COL11A1: variants seen among roughly 807,000 people sequenced by gnomAD.
COL11A1 encodes collagen type XI alpha 1 chain, also known as collagen alpha-1(XI) chain.
COL11A1 carries 74 observed loss-of-function variants against 265.2 expected under a neutral mutation model. The observed-to-expected ratio is 0.28, with a 90% CI of 0.23 to 0.34. The LOEUF (loss-of-function observed/expected upper bound fraction) is 0.34, where lower values mean the gene tolerates loss of function less well. COL11A1 is among the 10% of genes least tolerant of loss of function. The pLI, the probability that COL11A1 is intolerant of heterozygous loss-of-function variation, is 1.00. For missense variants in COL11A1, 2,165 were observed against 2,263.6 expected, an observed-to-expected ratio of 0.96 and a Z score of 0.88; for synonymous variants, 816 against 727.6, an observed-to-expected ratio of 1.12 and a Z score of -1.96.
chr1:103,022,710 A>T, intron 8 of COL11A1, 32 bp downstream of exon 8: 4 of 1,612,932 alleles, frequency 2.5e-6, no homozygotes, highest in Admixed American at 1.7e-5. Context: ...TAAATAAGAC[A>T]TACAATGACA....
At chr1:102,963,043 G>T (rs1661072595) in intron 38 of COL11A1, among the ~76,000 whole-genome samples, 1 of 152,150 alleles carries the variant, frequency 6.6e-6, no homozygotes, top group Non-Finnish European at 1.5e-5. Context: ...TCTGCAGAGT[G>T]TGGCCAGTCC....
At chr1:103,083,263 TGTGC>T (rs767493330) in intron 1 of COL11A1, among the ~76,000 whole-genome samples, 161 of 146,164 alleles carry the variant, frequency 1.1e-3, no homozygotes, top group African/African-American at 2.8e-3. Context: ...TGTGTGTGTG[TGTGC>T]GTGTGTGTGT....
At chr1:102,899,731 A>G (rs1652948162) in intron 54 of COL11A1, among the ~76,000 whole-genome samples, 1 of 152,050 alleles carries the variant, frequency 6.6e-6, no homozygotes, top group African/African-American at 2.4e-5. Flanking sequence ...CTTAATTTTC[A>G]TAATAAATTG....
At chr1:103,106,432 A>G (rs1674694497) in intron 1 of COL11A1, among the ~76,000 whole-genome samples, 2 of 152,182 alleles carry the variant, frequency 1.3e-5, no homozygotes. Context: ...TTCCAGTACC[A>G]CTGTAGTTAA....
intron 49 of COL11A1, among the ~76,000 whole-genome samples, chr1:102,916,240 T>C (rs1655326247): frequency 6.6e-6 from 1 of 152,180 alleles, no homozygotes; most frequent in Non-Finnish European, 1.5e-5. Context: ...CATTTGAGTA[T>C]ACACATAAAT....
chr1:102,995,105 T>G (rs1396869393), intron 28 of COL11A1, among the ~76,000 whole-genome samples: 1 of 152,118 alleles, frequency 6.6e-6, no homozygotes, highest in Non-Finnish European at 1.5e-5. Flanking sequence ...CAATTTGGAT[T>G]AGAATTCAAG....
chr1:102,897,254 C>T lies in COL11A1; in HGVS notation c.4302+871G>A, dbSNP rs190180339. Among the ~76,000 whole-genome samples the T allele has an allele frequency of 3.9e-5, 6 of 151,920 alleles. No individual in the cohort carries two copies. The East Asian group carries it at 7.7e-4, about 20-fold the overall frequency. On this transcript the variant is annotated intron_variant, in intron 57 of 66. Transcript: ENST00000370096. ...GATGGCTTTGTGCGTATGTTTCTAT[C>T]TCTGAGATAATTAATATATTTATGA...
intron 4 of COL11A1, among the ~76,000 whole-genome samples, chr1:103,045,550 T>G (rs928722356): frequency 8.5e-5 from 13 of 152,126 alleles, no homozygotes; most frequent in African/African-American, 3.1e-4. Context: ...GTTTATGCTT[T>G]AAAAACATCA....
chr1:102,879,971 C>A, intron 65 of COL11A1, 55 bp from the exon 66 acceptor site: 1 of 1,189,528 alleles, frequency 8.4e-7, no homozygotes, highest in Admixed American at 1.7e-5. Context: ...TTTTATGCTA[C>A]AAAGAATTAA....
intron 41 of COL11A1, among the ~76,000 whole-genome samples, chr1:102,948,016 ATTAT>A (rs1331199620): frequency 2.0e-5 from 3 of 151,982 alleles, no homozygotes; most frequent in East Asian, 3.9e-4. Flanking sequence ...CTCAGAGAAA[ATTAT>A]TTATAAAAGC....
chr1:102,955,192 A>T (rs1359544049), intron 41 of COL11A1, among the ~76,000 whole-genome samples: 2 of 152,140 alleles, frequency 1.3e-5, no homozygotes, highest in Non-Finnish European at 2.9e-5. Context: ...AACCTTGGTT[A>T]TTCCCTTGCT....
rs1189739348 is a variant in COL11A1, at chr1:102,987,735, T to C, written c.2400A>G (p.Glu800=). Reference sequence around the variant, plus strand: ...CCCCTCTTGGGCCAATTTGACCAACTTCTCCCTGAGGCACAGAATAACAAC... The same window carrying C: ...CCCCTCTTGGGCCAATTTGACCAACCTCTCCCTGAGGCACAGAATAACAAC... ...GDMGLKGDRG[E]VGQIGPRGED... Residue 800 remains glutamate (E), a synonymous_variant, in exon 30 of 67, where the codon GAA becomes GAG. Transcript: ENST00000370096. 6.2e-7 allele frequency: 1 copy of C among 1,612,366 alleles called. No homozygotes were observed. The highest frequency in any genetic ancestry group is 8.5e-7 in the Non-Finnish European group (1 of 1,178,742).
At chr1:103,033,621 C>A (rs1289877131) in intron 4 of COL11A1, among the ~76,000 whole-genome samples, 1 of 151,984 alleles carries the variant, frequency 6.6e-6, no homozygotes, top group Non-Finnish European at 1.5e-5. Context: ...TGTTTTTAAT[C>A]TAAAAAGAGA....
chr1:102,914,819 A>G lies in COL11A1; in HGVS notation c.3817-8T>C. 1 of 1,464,838 alleles carries G rather than the reference A, an allele frequency of 6.8e-7. No homozygotes were observed. Among genetic ancestry groups the G allele is most frequent in the Non-Finnish European group, 9.2e-7 (1 of 1,084,996 alleles). 90.7% of individuals were successfully genotyped at this position (1,464,838 alleles called of 1,614,324 possible). A position where few individuals can be genotyped will look rare whatever the true frequency, so the allele number is the denominator to read the frequency against. On this transcript the variant is annotated splice_polypyrimidine_tract_variant and splice_region_variant and intron_variant, in intron 50 of 66. Transcript: ENST00000370096. ...TCTTTCTCCTTTGGGACCCTAAACA[A>G]TGTTAAAAAAAAAAAAAGAAGAAGA... is the stretch of plus-strand genomic sequence containing the variant.
chr1:103,066,435 A>G (rs1030952830), intron 4 of COL11A1, among the ~76,000 whole-genome samples: 11 of 151,782 alleles, frequency 7.2e-5, no homozygotes, highest in African/African-American at 1.7e-4. Context: ...ATATATCATA[A>G]CATTTTGGTA....
At chr1:102,909,532 C>T (rs768137450) in intron 54 of COL11A1, among the ~76,000 whole-genome samples, 3 of 151,980 alleles carry the variant, frequency 2.0e-5, no homozygotes, top group Non-Finnish European at 4.4e-5. Context: ...TAATATACTA[C>T]TATATTTTAT....
chr1:102,907,685 C>A (rs1191602278), intron 54 of COL11A1, among the ~76,000 whole-genome samples: 1 of 151,910 alleles, frequency 6.6e-6, no homozygotes, highest in Admixed American at 6.6e-5. Context: ...ACACACAAGA[C>A]ATACATATAC....
In COL11A1 at chr1:102,916,400, T is replaced by C. The variant is rs1446625617; in HGVS notation, c.3763-716A>G. On this transcript the variant is annotated intron_variant, in intron 49 of 66. Coordinates refer to ENST00000370096, the MANE Select transcript of COL11A1 (RefSeq NM_001854.4). ...ATTCAAAATGCACAAAAATATAACA[T>C]CTTGTTCAAGTAATCATTTAAGTAA... is the stretch of plus-strand genomic sequence containing the variant. Among the ~76,000 whole-genome samples, 7 of 152,118 alleles carry C rather than the reference T, an allele frequency of 4.6e-5. No individual in the cohort carries two copies. The East Asian group carries it at 1.3e-3, about 29-fold the overall frequency.
At chr1:102,984,944 A>G (rs548826334) in intron 30 of COL11A1, among the ~76,000 whole-genome samples, 12 of 152,190 alleles carry the variant, frequency 7.9e-5, no homozygotes, top group African/African-American at 2.9e-4. Context: ...ACAATGTGTA[A>G]CAAATACCAG....
Sources: gnomAD v4.1 joint callset for allele counts (sites outside exome capture counted in the v4.1 genomes callset) on GRCh38, gnomAD v4.1.1 for gene constraint, MANE v1.5 for transcripts, NCBI Gene and HGNC (gene_info 2026-07-23, HGNC 2026-07-21) for gene names.